DDAH1: variants seen among roughly 807,000 people sequenced by gnomAD.
DDAH1 encodes the protein N(G),N(G)-dimethylarginine dimethylaminohydrolase 1.
In DDAH1, 19 loss-of-function variants were observed where a neutral mutation model predicts 28.8. That is an observed-to-expected ratio of 0.66 (90% CI 0.46 to 0.97). The LOEUF is 0.97. DDAH1 is among the 50% of genes least tolerant of loss of function. DDAH1 has a pLI of 0.00. For synonymous variants in DDAH1, 153 were observed against 154.4 expected, an observed-to-expected ratio of 0.99 and a Z score of 0.07; for missense variants, 326 against 375.9, an observed-to-expected ratio of 0.87 and a Z score of 1.10.
intron 1 of DDAH1, among the ~76,000 whole-genome samples, chr1:85,500,142 CTTTCT>C (rs774621214): frequency 2.1e-5 from 1 of 46,900 alleles, no homozygotes; most frequent in African/African-American, 6.9e-5. Flanking sequence ...TTCTTTCTTT[CTTTCT>C]TTTCTTTCTT....
intron 1 of DDAH1, among the ~76,000 whole-genome samples, chr1:85,394,997 G>A (rs975736585): frequency 1.3e-5 from 2 of 152,002 alleles, no homozygotes; most frequent in Non-Finnish European, 2.9e-5. Context: ...AGAAATTAAG[G>A]TTACTAAAAG....
At chr1:85,489,834 T>G (rs531505099) in intron 2 of DDAH1, among the ~76,000 whole-genome samples, 16 of 152,178 alleles carry the variant, frequency 1.1e-4, no homozygotes, top group Non-Finnish European at 2.1e-4. Flanking sequence ...AATCAGATTT[T>G]AAGACATTAG....
chr1:85,519,982 T>G (rs1468921118), intron 1 of DDAH1, among the ~76,000 whole-genome samples: 7 of 152,066 alleles, frequency 4.6e-5, no homozygotes, highest in Admixed American at 3.3e-4. Flanking sequence ...CTTTATTTAT[T>G]TATTTATTTA....
chr1:85,426,875 C>A (rs983217516), intron 1 of DDAH1, among the ~76,000 whole-genome samples: 21 of 124,210 alleles, frequency 1.7e-4, no homozygotes, highest in African/African-American at 5.6e-4. Context: ...TGTGCCACTG[C>A]ATTCCAGCCT....
chr1:85,517,195 A>AGAATT (rs1657504598), intron 1 of DDAH1, among the ~76,000 whole-genome samples: 1 of 150,914 alleles, frequency 6.6e-6, no homozygotes, highest in Non-Finnish European at 1.5e-5. Context: ...TCATCATAAC[A>AGAATT]CTCTAAAATT....
chr1:85,346,964 C>G (rs576799741), intron 4 of DDAH1, among the ~76,000 whole-genome samples: 2 of 152,184 alleles, frequency 1.3e-5, no homozygotes, highest in East Asian at 3.9e-4. Context: ...AGGATATGAA[C>G]AGACACTTCT....
chr1:85,367,626 A>C (rs955805069), intron 1 of DDAH1, among the ~76,000 whole-genome samples: 6 of 152,356 alleles, frequency 3.9e-5, no homozygotes, highest in African/African-American at 9.6e-5. Flanking sequence ...TAAATCAGGC[A>C]TGGCAGTTCT....
At chr1:85,440,021 G>C (rs1654120251) in intron 1 of DDAH1, among the ~76,000 whole-genome samples, 1 of 152,042 alleles carries the variant, frequency 6.6e-6, no homozygotes, top group African/African-American at 2.4e-5. Context: ...ATTCTACTTG[G>C]AAACCTGGAT....
intron 1 of DDAH1, among the ~76,000 whole-genome samples, chr1:85,463,744 T>C (rs766520022): frequency 6.6e-6 from 1 of 152,052 alleles, no homozygotes; most frequent in African/African-American, 2.4e-5. Flanking sequence ...AGAAAAAAAA[T>C]TCTTAAATCT....
At chr1:85,408,069 G>A (rs936684851) in intron 1 of DDAH1, among the ~76,000 whole-genome samples, 4 of 152,286 alleles carry the variant, frequency 2.6e-5, no homozygotes, top group East Asian at 3.9e-4. Flanking sequence ...AGTATTAGAC[G>A]CATTGCACTA....
intron 1 of DDAH1, among the ~76,000 whole-genome samples, chr1:85,502,999 C>G (rs2100741566): frequency 6.6e-6 from 1 of 152,158 alleles, no homozygotes; most frequent in East Asian, 1.9e-4. Context: ...GGTGGTGGAT[C>G]TCATTGAACA....
intron 4 of DDAH1, among the ~76,000 whole-genome samples, chr1:85,349,027 T>G (rs1381728513): frequency 6.6e-6 from 1 of 152,198 alleles, no homozygotes; most frequent in East Asian, 1.9e-4. Flanking sequence ...GTACCACGGA[T>G]AGATACCACA....
intron 4 of DDAH1, among the ~76,000 whole-genome samples, chr1:85,345,178 T>C (rs233077): frequency 6.6e-6 from 1 of 152,168 alleles, no homozygotes; most frequent in Non-Finnish European, 1.5e-5. Context: ...ACTATGTGCA[T>C]GAAAGAATAG....
intron 1 of DDAH1, among the ~76,000 whole-genome samples, chr1:85,576,308 A>T (rs1055803432): frequency 2.0e-5 from 3 of 152,186 alleles, no homozygotes; most frequent in African/African-American, 7.2e-5. Flanking sequence ...CTCCTTTCCC[A>T]ATTTACTGAG....
intron 1 of DDAH1, among the ~76,000 whole-genome samples, chr1:85,425,641 G>A (rs573685105): frequency 1.6e-4 from 25 of 152,230 alleles, no homozygotes; most frequent in African/African-American, 5.5e-4. Context: ...ACTTAAATCC[G>A]AGGATAAGAG....
chr1:85,422,527 T>C (rs540391195), intron 1 of DDAH1, among the ~76,000 whole-genome samples: 1 of 152,348 alleles, frequency 6.6e-6, no homozygotes, highest in African/African-American at 2.4e-5. Flanking sequence ...AATTTTAGTT[T>C]TGCATTTTAC....
chr1:85,351,067 T>G (rs959518341), intron 3 of DDAH1, among the ~76,000 whole-genome samples: 3 of 151,986 alleles, frequency 2.0e-5, no homozygotes, highest in Non-Finnish European at 4.4e-5. Flanking sequence ...CAAGTTTTTT[T>G]TTTTTTTTTT....
chr1:85,427,540 A>G (rs1026661389), intron 1 of DDAH1, among the ~76,000 whole-genome samples: 1 of 152,196 alleles, frequency 6.6e-6, no homozygotes, highest in Non-Finnish European at 1.5e-5. Context: ...TAGCAAGTAC[A>G]AAACGCTTGT....
At chr1:85,371,156 A>G (rs1650364426) in intron 1 of DDAH1, among the ~76,000 whole-genome samples, 2 of 152,188 alleles carry the variant, frequency 1.3e-5, no homozygotes, top group Admixed American at 1.3e-4. Flanking sequence ...AGGAAGAGCT[A>G]CTTAACGTAC....
Sources: gnomAD v4.1 joint callset for allele counts (sites outside exome capture counted in the v4.1 genomes callset) on GRCh38, gnomAD v4.1.1 for gene constraint, MANE v1.5 for transcripts, NCBI Gene and HGNC (gene_info 2026-07-23, HGNC 2026-07-21) for gene names.